COL4A3: variants seen among roughly 807,000 people sequenced by gnomAD.
COL4A3 encodes the protein collagen alpha-3(IV) chain.
In COL4A3, 135 loss-of-function variants were observed where a neutral mutation model predicts 217.4. That is an observed-to-expected ratio of 0.62 (90% CI 0.54 to 0.72). The LOEUF (loss-of-function observed/expected upper bound fraction) is 0.72, where lower values mean the gene tolerates loss of function less well. Among genes scored for constraint, COL4A3 ranks in the 30% least tolerant of loss-of-function variants. The pLI is 0.00. For missense variants in COL4A3, 1,868 were observed against 2,119.9 expected (o/e 0.88, Z 2.33); for synonymous variants, 690 against 736.3 (o/e 0.94, Z 1.02).
At chr2:227,300,839 G>C (rs892315960) in intron 43 of COL4A3, among the ~76,000 whole-genome samples, 1 of 152,176 alleles carries the variant, frequency 6.6e-6, no homozygotes, top group African/African-American at 2.4e-5. Context: ...TTGATGCCTG[G>C]CCTGAGTCTT....
intron 50 of COL4A3, 133 bp downstream of exon 50, chr2:227,309,451 T>A: frequency 1.4e-6 from 1 of 735,556 alleles, no homozygotes; most frequent in Non-Finnish European, 2.3e-6. Context: ...GACATTTCCT[T>A]GAAAATCTAC....
At chr2:227,198,130 T>A (rs576964456) in intron 1 of COL4A3, among the ~76,000 whole-genome samples, 1 of 152,224 alleles carries the variant, frequency 6.6e-6, no homozygotes, top group Non-Finnish European at 1.5e-5. Context: ...ACTGTTGCAT[T>A]TTTCTCTTGG....
chr2:227,197,847 C>T (rs1436607475), intron 1 of COL4A3, among the ~76,000 whole-genome samples: 1 of 152,192 alleles, frequency 6.6e-6, no homozygotes. Flanking sequence ...TATCTCATTT[C>T]ACTGACAAGG....
chr2:227,216,468 G>A (rs183043801), intron 1 of COL4A3, among the ~76,000 whole-genome samples: 150 of 152,134 alleles, frequency 9.9e-4, no homozygotes, highest in Non-Finnish European at 1.8e-3. Context: ...TAATTCAATC[G>A]AGCTTTAGTT....
chr2:227,277,691 T>C (rs1673517573), intron 28 of COL4A3, 138 bp downstream of exon 28: 3 of 641,624 alleles, frequency 4.7e-6, no homozygotes, highest in South Asian at 3.8e-5. Flanking sequence ...ATAGGAAATA[T>C]CCATAATACT....
At chr2:227,284,168 C>A in intron 33 of COL4A3, 43 bp from the exon 34 acceptor site, 3 of 1,613,340 alleles carry the variant, frequency 1.9e-6, no homozygotes, top group Non-Finnish European at 2.5e-6. Flanking sequence ...CTATGAACTA[C>A]CTGAAGAATT....
At chr2:227,223,563 C>CCCG (rs1553744628) in intron 1 of COL4A3, among the ~76,000 whole-genome samples, 4 of 151,246 alleles carry the variant, frequency 2.6e-5, no homozygotes, top group Non-Finnish European at 4.4e-5. Flanking sequence ...GTGAGACGCC[C>CCCG]CCCCAACTCT....
chr2:227,180,777 C>A (rs551397305), intron 1 of COL4A3, among the ~76,000 whole-genome samples: 1 of 152,202 alleles, frequency 6.6e-6, no homozygotes, highest in Non-Finnish European at 1.5e-5. Flanking sequence ...CCAAGTATTA[C>A]TGAGACAGGA....
intron 17 of COL4A3, among the ~76,000 whole-genome samples, chr2:227,257,379 C>T (rs558606811): frequency 6.6e-6 from 1 of 152,264 alleles, no homozygotes; most frequent in South Asian, 2.1e-4. Flanking sequence ...TGGAGAACCA[C>T]CAGGGCAATA....
chr2:227,222,707 A>T (rs60990028), intron 1 of COL4A3: 7,943 of 152,166 alleles, frequency 0.052, 428 homozygotes, highest in East Asian at 0.23. Context: ...AATCAGCAAA[A>T]CTCAGCCAAG....
At chr2:227,272,806 T>A in intron 25 of COL4A3, 143 bp from the exon 26 acceptor site, 2 of 913,788 alleles carry the variant, frequency 2.2e-6, no homozygotes, top group Non-Finnish European at 3.5e-6. Context: ...CTTACTTTAG[T>A]AATAATTCTC....
chr2:227,231,151 T>C (rs907426165), intron 1 of COL4A3, among the ~76,000 whole-genome samples: 2 of 152,052 alleles, frequency 1.3e-5, no homozygotes, highest in Non-Finnish European at 2.9e-5. Context: ...ATGGCAGACA[T>C]GTATAACTGG....
At chr2:227,224,198 C>T (rs181777294) in intron 1 of COL4A3, among the ~76,000 whole-genome samples, 42 of 152,276 alleles carry the variant, frequency 2.8e-4, no homozygotes, top group East Asian at 1.9e-3. Flanking sequence ...AGGCGTTTTA[C>T]GATCTTAATA....
chr2:227,310,545 A>C (rs1014883851), intron 50 of COL4A3, among the ~76,000 whole-genome samples: 2 of 152,124 alleles, frequency 1.3e-5, no homozygotes, highest in Non-Finnish European at 2.9e-5. Flanking sequence ...CAAACTCCTG[A>C]CCTCAAGTGA....
rs2073713944 is a variant in COL4A3 at position 227,310,815 on chromosome 2, G to T, written c.4795G>T (p.Ala1599Ser). The T allele has an allele frequency of 6.2e-7, 1 of 1,614,156 alleles. No homozygotes were observed. The highest frequency in any genetic ancestry group is 8.5e-7 in the Non-Finnish European group (1 of 1,180,022). The change falls in exon 51 of 52, where the codon GCC (alanine) becomes TCC (serine). Residue 1599 changes from alanine (A) to serine (S), a missense_variant. Coordinates refer to ENST00000396578, the MANE Select transcript of COL4A3 (RefSeq NM_000091.5). Reference protein sequence around the residue: ...AGSEGTGQALASPGSCLEEFR... With the variant: ...AGSEGTGQALSSPGSCLEEFR... ...TTCTGAGGGCACCGGGCAAGCACTGGCCTCCCCTGGCTCCTGCCTGGAAGA... is the reference window on the plus strand; with the variant it reads ...TTCTGAGGGCACCGGGCAAGCACTGTCCTCCCCTGGCTCCTGCCTGGAAGA...
intron 1 of COL4A3, among the ~76,000 whole-genome samples, chr2:227,195,420 T>G (rs1645223364): frequency 6.6e-6 from 1 of 152,128 alleles, no homozygotes; most frequent in African/African-American, 2.4e-5. Flanking sequence ...AAGATTATAA[T>G]GAAGCTGAAA....
At chr2:227,246,941 G>C in intron 7 of COL4A3, 1 of 683,150 alleles carries the variant, frequency 1.5e-6, no homozygotes, top group South Asian at 1.5e-5. Context: ...TTTTACTTTT[G>C]AGACATCCAA....
At position 227,192,681 on chromosome 2, in the gene COL4A3, G is replaced by A. The variant is rs149003128; in HGVS notation, c.87+27868G>A. Among the ~76,000 whole-genome samples, 1,168 of 152,256 alleles carry A rather than the reference G, an allele frequency of 7.7e-3. 12 individuals are homozygous for A. The highest frequency in any genetic ancestry group is 0.025 in the African/African-American group (1,051 of 41,554). ...TTTGTGGTAGTTGTTGTAGTGAAGG[G>A]TGGGGAGAAGGTTAGGGGTGTCCTG... is the stretch of plus-strand genomic sequence containing the variant. On this transcript the variant is annotated intron_variant, in intron 1 of 51. Coordinates refer to ENST00000396578, the MANE Select transcript of COL4A3 (RefSeq NM_000091.5).
intron 35 of COL4A3, 21 bp from the exon 36 acceptor site, chr2:227,289,978 A>G (rs1220947474): frequency 2.5e-6 from 4 of 1,609,324 alleles, no homozygotes; most frequent in Non-Finnish European, 2.6e-6. Context: ...GCAGGGCAAT[A>G]ACTACTTATT....
Sources: allele counts gnomAD v4.1 joint callset (sites outside exome capture counted in the v4.1 genomes callset), GRCh38; gene constraint gnomAD v4.1.1; transcripts MANE v1.5; gene names NCBI Gene and HGNC (gene_info 2026-07-23, HGNC 2026-07-21).